Variants in CDH13 observed in about 807,000 individuals in gnomAD.
The protein encoded by CDH13 is cadherin 13, also known as cadherin-13.
A neutral mutation model predicts 63.8 loss-of-function variants in CDH13; 24 were observed. The observed-to-expected ratio is 0.38, with a 90% CI of 0.27 to 0.53. The LOEUF is 0.53. Among genes scored for constraint, CDH13 ranks in the 20% least tolerant of loss-of-function variants. The probability of loss-of-function intolerance (pLI) is 0.85; values close to 1 mark genes in which losing one functional copy is unlikely to be tolerated. For missense variants in CDH13, 1,049 were observed against 903.1 expected, an observed-to-expected ratio of 1.16 and a Z score of -2.07; for synonymous variants, 503 against 355.3, an observed-to-expected ratio of 1.42 and a Z score of -4.67.
intron 13 of CDH13, chr16:83,790,130 G>C (rs186767184): frequency 6.6e-4 from 101 of 152,308 alleles, no homozygotes; most frequent in African/African-American, 2.4e-3. Flanking sequence ...CCATTTTCTA[G>C]ATGAGAAAAC....
At chr16:82,714,143 C>T (rs1457954919) in intron 1 of CDH13, among the ~76,000 whole-genome samples, 1 of 152,074 alleles carries the variant, frequency 6.6e-6, no homozygotes, top group African/African-American at 2.4e-5. Flanking sequence ...TCATTTCTCC[C>T]AGCAGCCACA....
At chr16:83,211,322 G>A (rs1231422619) in intron 4 of CDH13, among the ~76,000 whole-genome samples, 8 of 152,136 alleles carry the variant, frequency 5.3e-5, no homozygotes, top group African/African-American at 1.9e-4. Context: ...GAACTCTGTA[G>A]TATCTTTGTA....
At chr16:82,955,345 A>G (rs11150525) in intron 2 of CDH13, among the ~76,000 whole-genome samples, 44,237 of 152,106 alleles carry the variant, frequency 0.29, 6,650 homozygotes, top group Middle Eastern at 0.36. Context: ...TTCAAGAAGG[A>G]TGTTATCGGT....
intron 7 of CDH13, among the ~76,000 whole-genome samples, chr16:83,551,262 A>G (rs1716124074): frequency 6.6e-6 from 1 of 152,010 alleles, no homozygotes; most frequent in South Asian, 2.1e-4. Context: ...TTGTGTTTTT[A>G]GTAGAGACAA....
intron 3 of CDH13, among the ~76,000 whole-genome samples, chr16:83,051,265 A>T (rs1425263286): frequency 2.6e-5 from 4 of 152,290 alleles, no homozygotes; most frequent in South Asian, 4.1e-4. Flanking sequence ...CTACCAAAGT[A>T]AGCTGCTTAT....
chr16:82,715,463 G>A (rs182972391), intron 1 of CDH13, among the ~76,000 whole-genome samples: 433 of 152,252 alleles, frequency 2.8e-3, no homozygotes, highest in Middle Eastern at 0.01. Flanking sequence ...TGAGACCAGA[G>A]CTACGTGCGA....
At chr16:83,702,383 C>T (rs1444963986) in intron 10 of CDH13, among the ~76,000 whole-genome samples, 1 of 152,168 alleles carries the variant, frequency 6.6e-6, no homozygotes, top group Non-Finnish European at 1.5e-5. Context: ...TGGCTCTGCT[C>T]CATAACGTTC....
At chr16:82,735,336 A>T (rs1031319696) in intron 1 of CDH13, among the ~76,000 whole-genome samples, 2 of 152,210 alleles carry the variant, frequency 1.3e-5, no homozygotes, top group Non-Finnish European at 2.9e-5. Flanking sequence ...AGAAGCTGTC[A>T]CACCAGACAG....
chr16:83,444,581 C>G (rs908144727), intron 6 of CDH13, among the ~76,000 whole-genome samples: 1 of 152,168 alleles, frequency 6.6e-6, no homozygotes, highest in African/African-American at 2.4e-5. Flanking sequence ...GAACCATGTC[C>G]TCTCTTGTGA....
intron 1 of CDH13, among the ~76,000 whole-genome samples, chr16:82,783,295 G>A (rs571870067): frequency 9.2e-5 from 14 of 152,344 alleles, no homozygotes; most frequent in African/African-American, 3.4e-4. Context: ...AGCAAGGCTA[G>A]CAGGGAGGGG....
chr16:83,138,136 G>C (rs776013234), intron 4 of CDH13, among the ~76,000 whole-genome samples: 1 of 152,096 alleles, frequency 6.6e-6, no homozygotes, highest in Non-Finnish European at 1.5e-5. Flanking sequence ...CTGTTGCATC[G>C]GGTGGTTTGG....
chr16:83,108,890 G>A (rs947738852), intron 3 of CDH13, among the ~76,000 whole-genome samples: 6 of 152,112 alleles, frequency 3.9e-5, no homozygotes, highest in African/African-American at 1.4e-4. Flanking sequence ...CGAGTCACAG[G>A]TTCTGCCCTG....
chr16:83,757,759 G>A (rs1029502391), intron 11 of CDH13, among the ~76,000 whole-genome samples: 2 of 152,114 alleles, frequency 1.3e-5, no homozygotes, highest in Admixed American at 1.3e-4. Flanking sequence ...AAGATATTAT[G>A]AACGGCATTA....
At position 82,706,147 on chromosome 16, in the gene CDH13, T is replaced by C. The variant is rs1362358157; in HGVS notation, c.45+79010T>C. On this transcript the variant is annotated intron_variant, in intron 1 of 13. Transcript: ENST00000567109. ...CCTCCCCATCTTCTTTCCCTTTCTT[T>C]CCGCCTCCCTTCTCCCTTTTTCGCT... Among the ~76,000 whole-genome samples, 7 of 151,688 alleles carry C rather than the reference T, an allele frequency of 4.6e-5. 1 individual carries two copies. The South Asian group carries it at 1.5e-3, about 32-fold the overall frequency.
At chr16:83,073,107 T>C (rs1461577435) in intron 3 of CDH13, among the ~76,000 whole-genome samples, 1 of 152,150 alleles carries the variant, frequency 6.6e-6, no homozygotes, top group Non-Finnish European at 1.5e-5. Context: ...TGGAACCCCA[T>C]GAACCCCATT....
At chr16:82,795,355 C>T (rs747761539) in intron 1 of CDH13, among the ~76,000 whole-genome samples, 3 of 152,154 alleles carry the variant, frequency 2.0e-5, no homozygotes, top group Non-Finnish European at 4.4e-5. Context: ...TCTTAGCAAC[C>T]TAAACAAAGG....
At chr16:83,327,701 T>C (rs1277098741) in intron 5 of CDH13, among the ~76,000 whole-genome samples, 1 of 152,196 alleles carries the variant, frequency 6.6e-6, no homozygotes, top group Non-Finnish European at 1.5e-5. Flanking sequence ...TTACTCTTTT[T>C]GATCAAGAAG....
At position 83,333,002 on chromosome 16, in the gene CDH13, G is replaced by A. The variant is rs564997811; in HGVS notation, c.637-11860G>A. Among the ~76,000 whole-genome samples, 85 of 152,274 alleles carry A rather than the reference G, an allele frequency of 5.6e-4. No individual in the cohort carries two copies. The Middle Eastern group carries it at 0.017, about 30-fold the overall frequency. ...GATTTTCAAAGAACATTTGATAATA[G>A]TATCAAGATCTTTAATTAATAACCT... On this transcript the variant is annotated intron_variant, in intron 5 of 13. Transcript: ENST00000567109.
At chr16:83,108,057 G>C (rs778747372) in intron 3 of CDH13, among the ~76,000 whole-genome samples, 2 of 152,034 alleles carry the variant, frequency 1.3e-5, no homozygotes, top group Non-Finnish European at 2.9e-5. Flanking sequence ...CCCTGACCTC[G>C]TGATCCACCC....
Sources: gnomAD v4.1 joint callset for allele counts (sites outside exome capture counted in the v4.1 genomes callset) on GRCh38, gnomAD v4.1.1 for gene constraint, MANE v1.5 for transcripts, NCBI Gene and HGNC (gene_info 2026-07-23, HGNC 2026-07-21) for gene names.